IFRD1: variants seen among roughly 807,000 people sequenced by gnomAD.
IFRD1 encodes the protein interferon related developmental regulator 1.
Under a neutral mutation model 52.9 loss-of-function variants are expected in IFRD1, and 35 were observed. The ratio of observed to expected loss-of-function variants is 0.66; its 90% confidence interval spans 0.51 to 0.88. The LOEUF is 0.88. Ranked by LOEUF, IFRD1 falls within the 40% of genes least tolerant of loss-of-function variation. IFRD1 has a pLI of 0.00. For missense variants in IFRD1, 517 were observed against 550.8 expected (o/e 0.94, Z 0.61); for synonymous variants, 184 against 188.4 (o/e 0.98, Z 0.19).
rs1166868507 is a variant in IFRD1, at chr7:112,462,272, A to G, written c.800A>G (p.His267Arg). 1.2e-6 allele frequency: 2 copies of G among 1,613,220 alleles called. No homozygotes were observed. Among genetic ancestry groups the G allele is most frequent in the Non-Finnish European group, 1.7e-6 (2 of 1,179,418 alleles). The change falls in exon 8 of 12, where the codon CAT becomes CGT. Residue 267 changes from histidine (H) to arginine (R), a missense_variant and splice_region_variant. By Grantham distance (29) the His-to-Arg change is conservative (BLOSUM62 0). Coordinates refer to ENST00000403825, the MANE Select transcript of IFRD1 (RefSeq NM_001550.4). Reference protein sequence around the residue: ...INEVKKKLEMHFHKLPSLLSC... With the variant: ...INEVKKKLEMRFHKLPSLLSC... ...AGTAATGACTAACTATTTTTTAGGC[A>G]TTTCCATAAGCTTCCAAGCCTCCTC...
Position 112,462,071 on chromosome 7 carries a change from C to T in IFRD1, c.689C>T (p.Thr230Ile). Reference protein sequence around the residue: ...TKSYLKEKDTTVICSTPNTVL... With the variant: ...TKSYLKEKDTIVICSTPNTVL... ...TCCTATCTCAAAGAGAAAGACACTA[C>T]TGTTATTTGCAGCACTCCTAATACA... The change falls in exon 7 of 12, where the codon ACT (threonine) becomes ATT (isoleucine). Residue 230 changes from threonine to isoleucine, a missense_variant. Physicochemically the swap from Thr to Ile is moderately conservative, Grantham distance 89. Transcript: ENST00000403825. The T allele has an allele frequency of 6.2e-7, 1 of 1,613,326 alleles. No individual in the cohort carries two copies. The highest frequency in any genetic ancestry group is 8.5e-7 in the Non-Finnish European group (1 of 1,179,528).
intron 1 of IFRD1, among the ~76,000 whole-genome samples, chr7:112,455,238 C>T (rs1483402328): frequency 6.6e-6 from 1 of 151,106 alleles, no homozygotes. Context: ...AATCTCAGCA[C>T]TTTGGGAGGC....
At chr7:112,454,165 G>T (rs1795230987) in intron 1 of IFRD1, among the ~76,000 whole-genome samples, 2 of 151,780 alleles carry the variant, frequency 1.3e-5, no homozygotes, top group African/African-American at 4.8e-5. Context: ...TTTTTAAAAA[G>T]AAGATTTTAT....
At chr7:112,435,621 G>GGTGTGTGGGTGTGTGT (rs1794658953) in intron 1 of IFRD1, 1 of 108,840 alleles carries the variant, frequency 9.2e-6, no homozygotes, top group Non-Finnish European at 1.9e-5. Flanking sequence ...ATCTGCTACA[G>GGTGTGTGGGTGTGTGT]GTGTGTGTGT....
At chr7:112,442,105 C>T (rs1456966636) in intron 1 of IFRD1, among the ~76,000 whole-genome samples, 1 of 152,188 alleles carries the variant, frequency 6.6e-6, no homozygotes, top group Non-Finnish European at 1.5e-5. Context: ...GGCATTTTGA[C>T]TCTAGTTCTG....
At chr7:112,433,155 G>T (rs140482036) in intron 1 of IFRD1, among the ~76,000 whole-genome samples, 1 of 152,310 alleles carries the variant, frequency 6.6e-6, no homozygotes, top group African/African-American at 2.4e-5. Flanking sequence ...CAGGGGAATT[G>T]GAATAGAGAA....
intron 5 of IFRD1, among the ~76,000 whole-genome samples, chr7:112,459,849 C>A (rs1795388059): frequency 6.6e-6 from 1 of 152,214 alleles, no homozygotes; most frequent in South Asian, 2.1e-4. Flanking sequence ...GCTTACCAGC[C>A]ACCTGGAGGC....
At chr7:112,436,372 T>C (rs970563501) in intron 1 of IFRD1, among the ~76,000 whole-genome samples, 13 of 152,174 alleles carry the variant, frequency 8.5e-5, no homozygotes, top group African/African-American at 2.9e-4. Context: ...TTTTGCTTCA[T>C]TGAACACCCA....
intron 1 of IFRD1, among the ~76,000 whole-genome samples, chr7:112,432,598 A>G (rs1794572464): frequency 6.6e-6 from 1 of 152,190 alleles, no homozygotes; most frequent in Non-Finnish European, 1.5e-5. Context: ...CCATTTTACA[A>G]ATGAGGAAAT....
intron 1 of IFRD1, among the ~76,000 whole-genome samples, chr7:112,433,509 GGAGGTTCA>G (rs1794593523): frequency 1.3e-5 from 2 of 152,164 alleles, no homozygotes; most frequent in Admixed American, 1.3e-4. Context: ...AGCAATTTGG[GGAGGTTCA>G]GAATCTTGTA....
At chr7:112,473,582 A>G (rs1795818782) in intron 11 of IFRD1, among the ~76,000 whole-genome samples, 2 of 151,930 alleles carry the variant, frequency 1.3e-5, no homozygotes, top group Non-Finnish European at 2.9e-5. Flanking sequence ...GCATTACCAC[A>G]CCTGGCTAGT....
chr7:112,462,511 T>A, intron 8 of IFRD1, 133 bp downstream of exon 8: 1 of 720,306 alleles, frequency 1.4e-6, no homozygotes, highest in Non-Finnish European at 2.5e-6. Flanking sequence ...ATTTCCCTAC[T>A]TCTTGGCAGT....
At chr7:112,444,675 G>C (rs1794976307) in intron 1 of IFRD1, among the ~76,000 whole-genome samples, 1 of 152,096 alleles carries the variant, frequency 6.6e-6, no homozygotes, top group African/African-American at 2.4e-5. Flanking sequence ...TAGGGGTGAA[G>C]AGACTCTAAA....
chr7:112,441,040 T>C (rs1794871322), intron 1 of IFRD1, among the ~76,000 whole-genome samples: 1 of 151,982 alleles, frequency 6.6e-6, no homozygotes, highest in Non-Finnish European at 1.5e-5. Flanking sequence ...GGTGGGAGGC[T>C]GAGGAGGGTG....
chr7:112,453,256 G>T (rs1409229334), intron 1 of IFRD1, among the ~76,000 whole-genome samples: 1 of 152,020 alleles, frequency 6.6e-6, no homozygotes, highest in Non-Finnish European at 1.5e-5. Flanking sequence ...TTTTATACAG[G>T]TATGTCATAG....
intron 1 of IFRD1, among the ~76,000 whole-genome samples, chr7:112,441,628 A>T (rs1024187017): frequency 6.6e-6 from 1 of 151,954 alleles, no homozygotes; most frequent in African/African-American, 2.4e-5. Context: ...TTGTTTTTTC[A>T]TGTCTGTGGT....
upstream of IFRD1, among the ~76,000 whole-genome samples, chr7:112,449,825 TTGG>T (rs1795105917): frequency 9.0e-5 from 1 of 11,130 alleles, no homozygotes; most frequent in African/African-American, 3.2e-4. Flanking sequence ...ATCCCTTTTT[TTGG>T]GGGGGGGGGG....
At position 112,475,508 on chromosome 7, in the gene IFRD1, G is replaced by GA. The variant is rs1261889705; in HGVS notation, c.1347dup (p.Phe450IlefsTer13). The GA allele has an allele frequency of 5.0e-6, 8 of 1,599,544 alleles. No individual in the cohort carries two copies. Among genetic ancestry groups the GA allele is most frequent in the Non-Finnish European group, 6.8e-6 (8 of 1,167,906 alleles). ...TCGAGATAAGAGAGCAGATGTTGGAGAATTCTTCTAGATTTTCAGAACTTG... is the reference window on the plus strand; with the variant it reads ...TCGAGATAAGAGAGCAGATGTTGGAGAAATTCTTCTAGATTTTCAGAACTTG... On this transcript the variant is annotated frameshift_variant, in exon 12 of 12. Coordinates refer to ENST00000403825, the MANE Select transcript of IFRD1 (RefSeq NM_001550.4). LOFTEE classifies it high-confidence loss of function.
In IFRD1 at chr7:112,471,588, T is replaced by C. The variant is rs182115617; in HGVS notation, c.1042-631T>C. On this transcript the variant is annotated intron_variant, in intron 9 of 11. Coordinates refer to ENST00000403825, the MANE Select transcript of IFRD1 (RefSeq NM_001550.4). ...CCACTATTCCAGCTGACTTTTTTTT[T>C]AATCCATCTGACTTCTGTTTCTGTG... 4.1e-4 allele frequency among the ~76,000 whole-genome samples: 62 copies of C among 152,298 alleles called. 1 individual carries two copies. In the Middle Eastern group the frequency reaches 0.014, roughly 33 times the overall value.
Sources: allele counts gnomAD v4.1 joint callset (sites outside exome capture counted in the v4.1 genomes callset), GRCh38; gene constraint gnomAD v4.1.1; transcripts MANE v1.5; gene names NCBI Gene and HGNC (gene_info 2026-07-23, HGNC 2026-07-21).